CAST: variants seen among roughly 807,000 people sequenced by gnomAD.
The protein encoded by CAST is calpastatin, also known as MIR583 host.
In CAST, 76 loss-of-function variants were observed where a neutral mutation model predicts 119.6. The ratio of observed to expected loss-of-function variants is 0.64; its 90% CI spans 0.53 to 0.77. The LOEUF (loss-of-function observed/expected upper bound fraction) is 0.77, where lower values mean the gene tolerates loss of function less well. CAST is among the 30% of genes least tolerant of loss of function. The pLI is 0.00. For synonymous variants in CAST, 319 were observed against 331.6 expected (o/e 0.96, Z 0.41); for missense variants, 953 against 946.5 (o/e 1.01, Z -0.09).
chr5:96,492,194 T>G, the CAST span, among the ~76,000 whole-genome samples: 1 of 152,266 alleles, frequency 6.6e-6, no homozygotes, highest in Non-Finnish European at 1.5e-5. Context: ...GTAGGAATCT[T>G]CAAGGCTGCC....
the CAST span, among the ~76,000 whole-genome samples, chr5:96,287,938 G>A: frequency 6.6e-6 from 1 of 152,120 alleles, no homozygotes; most frequent in African/African-American, 2.4e-5. Context: ...TCTTTTTACG[G>A]TGGGATTTTT....
chr5:96,338,011 CT>C, the CAST span, among the ~76,000 whole-genome samples: 1 of 151,986 alleles, frequency 6.6e-6, no homozygotes, highest in African/African-American at 2.4e-5. Context: ...TCCAGCATTC[CT>C]TGCTGGAGGC....
chr5:96,225,886 C>T, the CAST span, among the ~76,000 whole-genome samples: 5 of 152,102 alleles, frequency 3.3e-5, no homozygotes, highest in East Asian at 1.9e-4. Flanking sequence ...TCTTGCCCCC[C>T]GCCTCACCAT....
the CAST span, among the ~76,000 whole-genome samples, chr5:96,144,047 T>C: frequency 6.6e-6 from 1 of 152,196 alleles, no homozygotes; most frequent in Non-Finnish European, 1.5e-5. Context: ...TTACTTAATA[T>C]ACTTATGTAA....
the CAST span, among the ~76,000 whole-genome samples, chr5:96,483,244 T>G: frequency 6.6e-6 from 1 of 152,328 alleles, no homozygotes; most frequent in East Asian, 1.9e-4. Flanking sequence ...TTAATCCTTT[T>G]ATCTAGAGAT....
At chr5:95,968,466 A>G in the CAST span, among the ~76,000 whole-genome samples, 11,735 of 152,230 alleles carry the variant, frequency 0.077, 1,004 homozygotes, top group African/African-American at 0.21. Flanking sequence ...TACAGTTGAT[A>G]TATCTTTGTT....
At chr5:96,149,027 T>C in the CAST span, among the ~76,000 whole-genome samples, 1 of 152,262 alleles carries the variant, frequency 6.6e-6, no homozygotes, top group Non-Finnish European at 1.5e-5. Context: ...AGGTGAATCT[T>C]AATTCAATCA....
At chr5:96,432,709 A>C in the CAST span, among the ~76,000 whole-genome samples, 1 of 152,016 alleles carries the variant, frequency 6.6e-6, no homozygotes, top group African/African-American at 2.4e-5. Context: ...CTCTCTCTCC[A>C]AGCGCGACAG....
chr5:96,724,661 T>C (rs987822751), intron 4 of CAST, among the ~76,000 whole-genome samples: 15 of 151,406 alleles, frequency 9.9e-5, no homozygotes, highest in African/African-American at 2.9e-4. Context: ...CGAGATCCCG[T>C]GTCTACAAAA....
intron 1 of CAST, among the ~76,000 whole-genome samples, chr5:96,603,195 A>G (rs1466520829): frequency 6.6e-6 from 1 of 152,246 alleles, no homozygotes; most frequent in Non-Finnish European, 1.5e-5. Flanking sequence ...ATTTAAGAAT[A>G]GGGCGTTGTA....
At chr5:96,156,355 A>G in the CAST span, among the ~76,000 whole-genome samples, 1 of 152,320 alleles carries the variant, frequency 6.6e-6, no homozygotes, top group South Asian at 2.1e-4. Flanking sequence ...ATTGGAATGT[A>G]TCTGTAGTAG....
chr5:96,192,073 G>A, the CAST span, among the ~76,000 whole-genome samples: 14,877 of 152,162 alleles, frequency 0.098, 884 homozygotes, highest in East Asian at 0.21. Context: ...GGGCCTTTAC[G>A]TAAATTATAG....
chr5:96,256,069 T>C, the CAST span, among the ~76,000 whole-genome samples: 1 of 152,012 alleles, frequency 6.6e-6, no homozygotes, highest in East Asian at 1.9e-4. Flanking sequence ...GCAAGCAGTA[T>C]CTATTCTCAT....
chr5:96,029,354 T>C, the CAST span, among the ~76,000 whole-genome samples: 1 of 152,124 alleles, frequency 6.6e-6, no homozygotes, highest in Non-Finnish European at 1.5e-5. Flanking sequence ...GATATGACTT[T>C]GGCTATATCA....
chr5:96,158,342 G>C, the CAST span, among the ~76,000 whole-genome samples: 1 of 152,178 alleles, frequency 6.6e-6, no homozygotes, highest in South Asian at 2.1e-4. Flanking sequence ...GTGTCTGTCA[G>C]CAACAGCCTT....
At chr5:96,350,966 G>T in the CAST span, among the ~76,000 whole-genome samples, 1 of 152,124 alleles carries the variant, frequency 6.6e-6, no homozygotes, top group Non-Finnish European at 1.5e-5. Context: ...ACCATGTCAT[G>T]CATTTTTCTG....
the CAST span, among the ~76,000 whole-genome samples, chr5:96,213,965 C>T: frequency 6.6e-6 from 1 of 152,044 alleles, no homozygotes; most frequent in Non-Finnish European, 1.5e-5. Context: ...CAAATGAGAA[C>T]AAAGTATATA....
chr5:96,058,849 T>G, the CAST span, among the ~76,000 whole-genome samples: 1 of 152,132 alleles, frequency 6.6e-6, no homozygotes, highest in African/African-American at 2.4e-5. Flanking sequence ...GAAATTAAAG[T>G]TACTCTTATC....
chr5:96,464,979 GGATTTATA>G, the CAST span, among the ~76,000 whole-genome samples: 1 of 151,864 alleles, frequency 6.6e-6, no homozygotes, highest in Non-Finnish European at 1.5e-5. Flanking sequence ...TGACTGCATT[GGATTTATA>G]GATCAATATG....
Sources: gnomAD v4.1 joint callset for allele counts (sites outside exome capture counted in the v4.1 genomes callset) on GRCh38, gnomAD v4.1.1 for gene constraint, MANE v1.5 for transcripts, NCBI Gene and HGNC (gene_info 2026-07-23, HGNC 2026-07-21) for gene names.